The following MICAL3 variants were observed in gnomAD, a reference collection of about 807,000 sequenced individuals.
MICAL3 encodes the protein microtubule associated monooxygenase, calponin and LIM domain containing 3, also known as [F-actin]-monooxygenase MICAL3.
MICAL3 carries 62 observed loss-of-function variants against 207.4 expected under a neutral mutation model. The ratio of observed to expected loss-of-function variants is 0.30; its 90% confidence interval spans 0.24 to 0.37. The LOEUF is 0.37. Among genes scored for constraint, MICAL3 ranks in the 10% least tolerant of loss-of-function variants. MICAL3 has a pLI of 1.00. For missense variants in MICAL3, 2,368 were observed against 2,635.6 expected (o/e 0.90, Z 2.22); for synonymous variants, 1,077 against 1,069.3 (o/e 1.01, Z -0.14).
In MICAL3 at chr22:17,902,111, G is replaced by A; in HGVS notation, c.590-132C>T. 1.5e-6 allele frequency: 1 copy of A among 649,628 alleles called. No individual in the cohort carries two copies. The highest frequency in any genetic ancestry group is 1.9e-5 in the South Asian group (1 of 52,458). The allele number at this position is 649,628 out of a possible 1,614,324, so 40.2% of individuals were successfully genotyped here. ...AAACACTATGTGTAGAAGCAGTGGA[G>A]ACAGAGGCTGTGCACGGTGGCTCGT... On this transcript the variant is annotated intron_variant, in intron 4 of 31. Coordinates refer to ENST00000441493, the MANE Select transcript of MICAL3 (RefSeq NM_015241.3). This position sits in a 1 kb window ranked among gnomAD's most constrained non-coding sequence, Gnocchi z 4.5.
At chr22:17,992,648 G>A (rs1430755887) in intron 1 of MICAL3, among the ~76,000 whole-genome samples, 1 of 152,132 alleles carries the variant, frequency 6.6e-6, no homozygotes, top group African/African-American at 2.4e-5. Flanking sequence ...AGGCCCAGGG[G>A]CTTGTTTGTA....
In MICAL3 at chr22:17,906,781, G is replaced by A; in HGVS notation, c.32C>T (p.Pro11Leu). 6.2e-7 allele frequency: 1 copy of A among 1,612,330 alleles called. No individual in the cohort carries two copies. The highest frequency in any genetic ancestry group is 8.5e-7 in the Non-Finnish European group (1 of 1,178,970). ...AAACCGGTCAAAGAGGACATGAGCTGGGTTCATGGTCTCATGCTTCCTCTC... is the reference window on the plus strand; with the variant it reads ...AAACCGGTCAAAGAGGACATGAGCTAGGTTCATGGTCTCATGCTTCCTCTC... MEERKHETMN[P>L]AHVLFDRFVQ... The change falls in exon 2 of 32, where the codon CCA (proline) becomes CTA (leucine). Residue 11 changes from proline (P) to leucine (L), a missense_variant. Physicochemically the swap from Pro to Leu is moderately conservative, Grantham distance 98. This residue lies in a region of MICAL3 where 400 missense variants were observed against 547.0 expected (regional missense o/e 0.73). Transcript: ENST00000441493.
At position 17,982,721 on chromosome 22, in the gene MICAL3, T is replaced by TAACATAACATAACA. The variant is rs1569156771; in HGVS notation, c.-75+41559_-75+41560insTGTTATGTTATGTT. 5.7e-3 allele frequency among the ~76,000 whole-genome samples: 716 copies of TAACATAACATAACA among 125,244 alleles called. 6 individuals carry two copies. Among genetic ancestry groups the TAACATAACATAACA allele is most frequent in the African/African-American group, 0.018 (590 of 32,698 alleles). The allele number at this position is 125,244 out of a possible 152,430, so 82.2% of individuals were successfully genotyped here. The stretch of plus-strand genomic sequence containing the variant: ...ATAACATAACATAACATAACAAACA[T>TAACATAACATAACA]AACATAACATAAAAATAAAATAAAA... On this transcript the variant is annotated intron_variant, in intron 1 of 31. Coordinates refer to ENST00000441493, the MANE Select transcript of MICAL3 (RefSeq NM_015241.3).
chr22:17,840,441 G>A (rs1019905604), intron 20 of MICAL3: 14 of 152,162 alleles, frequency 9.2e-5, no homozygotes, highest in Admixed American at 2.6e-4. Flanking sequence ...AGTAAGATGA[G>A]GCATGTATTG....
intron 1 of MICAL3, among the ~76,000 whole-genome samples, chr22:17,936,779 C>T (rs1338926850): frequency 6.6e-6 from 1 of 151,848 alleles, no homozygotes; most frequent in African/African-American, 2.4e-5. Flanking sequence ...ACCATTAAAC[C>T]AATAAATTAA....
At chr22:17,993,946 C>T (rs1260795558) in intron 1 of MICAL3, among the ~76,000 whole-genome samples, 1 of 152,152 alleles carries the variant, frequency 6.6e-6, no homozygotes, top group Non-Finnish European at 1.5e-5. Flanking sequence ...AATCCTGACG[C>T]CACCACTTGT....
rs1007814008 is a variant in MICAL3, at chr22:17,901,140, A to G, written c.692-143T>C. On this transcript the variant is annotated intron_variant, in intron 5 of 31. Transcript: ENST00000441493. ...GAAAGTTAGGGCAGCTCTTCTGCAG[A>G]TGAAAATAAGGCATTTACCTACCCA... 23 of 736,880 alleles carry G rather than the reference A, an allele frequency of 3.1e-5. No individual in the cohort carries two copies. In the East Asian group the frequency reaches 5.5e-4, roughly 18 times the overall value. 45.6% of individuals were successfully genotyped at this position (736,880 alleles called of 1,614,324 possible). A position where few individuals can be genotyped will look rare whatever the true frequency, so the allele number is the denominator to read the frequency against.
In MICAL3 at chr22:17,818,001, C is replaced by T. The variant is rs745613978; in HGVS notation, c.4660G>A (p.Glu1554Lys). Residue 1554 changes from glutamate (E) to lysine (K), a missense_variant, in exon 26 of 32, where the codon GAG (glutamate) becomes AAG (lysine). Physicochemically the swap from Glu to Lys is moderately conservative, Grantham distance 56. Coordinates refer to ENST00000441493, the MANE Select transcript of MICAL3 (RefSeq NM_015241.3). ...FTPPSCWPRP[E>K]KPRHPPLAKE... ...GCCAGGGGCGGGTGGCGAGGCTTCT[C>T]GGGGCGCGGCCAGCAGGACGGGGGC... 39 of 1,612,082 alleles carry T rather than the reference C, an allele frequency of 2.4e-5. No homozygotes were observed. Among genetic ancestry groups the T allele is most frequent in the African/African-American group, 2.0e-4 (15 of 74,932 alleles).
At position 17,841,755 on chromosome 22, in the gene MICAL3, C is replaced by T. The variant is rs1006126970; in HGVS notation, c.2801+67G>A. ...TCCCTTCACTGAGAAGAAACCGAGACACACAGAGGTGAGGAGGCTCTTAGG... is the reference window on the plus strand; with the variant it reads ...TCCCTTCACTGAGAAGAAACCGAGATACACAGAGGTGAGGAGGCTCTTAGG... On this transcript the variant is annotated intron_variant, in intron 20 of 31. Coordinates refer to ENST00000441493, the MANE Select transcript of MICAL3 (RefSeq NM_015241.3). The surrounding 1 kb of genome is among the most constrained non-coding windows in gnomAD (Gnocchi z 4.2). 8.1e-6 allele frequency: 12 copies of T among 1,481,722 alleles called. No homozygotes were observed. The highest frequency in any genetic ancestry group is 9.1e-6 in the Non-Finnish European group (10 of 1,092,988). 91.8% of individuals were successfully genotyped at this position (1,481,722 alleles called of 1,614,324 possible).
At chr22:18,007,922 C>CAA (rs60544257) in intron 1 of MICAL3, among the ~76,000 whole-genome samples, 3,427 of 37,532 alleles carry the variant, frequency 0.091, 665 homozygotes, top group East Asian at 0.18. Flanking sequence ...GACTCCATCT[C>CAA]AAAAAAAAAA....
At chr22:17,899,380 C>T in intron 7 of MICAL3, 68 bp downstream of exon 7, 1 of 1,034,356 alleles carries the variant, frequency 9.7e-7, no homozygotes, top group Non-Finnish European at 1.5e-6. Context: ...ACCCATCAGA[C>T]AATTCTTTCT....
chr22:17,978,542 C>T (rs1487865821), intron 1 of MICAL3, among the ~76,000 whole-genome samples: 2 of 150,100 alleles, frequency 1.3e-5, no homozygotes, highest in Non-Finnish European at 3.0e-5. Context: ...GAGACAGAGT[C>T]TCCCTCTGTC....
At chr22:17,866,289 G>A (rs1927102602) in intron 17 of MICAL3, among the ~76,000 whole-genome samples, 1 of 152,250 alleles carries the variant, frequency 6.6e-6, no homozygotes, top group Admixed American at 6.5e-5. Context: ...GAGCAAAGAT[G>A]TGAGGCCTGT....
At chr22:17,840,897 C>T (rs1283074788) in intron 20 of MICAL3, 1 of 152,230 alleles carries the variant, frequency 6.6e-6, no homozygotes, top group Non-Finnish European at 1.5e-5. Context: ...GTGAGGCAGC[C>T]CAAGAATGAA....
chr22:17,962,535 TG>T (rs1290271086), intron 1 of MICAL3, among the ~76,000 whole-genome samples: 3 of 152,014 alleles, frequency 2.0e-5, no homozygotes, highest in Non-Finnish European at 2.9e-5. Context: ...TCAAGGAAGA[TG>T]GAACTGCGGC....
chr22:17,795,905 T>TGGGGGGGGGGGGGGGGGGGGGGGGG (rs1555915228), intron 29 of MICAL3, among the ~76,000 whole-genome samples: 1 of 29,152 alleles, frequency 3.4e-5, no homozygotes, highest in Middle Eastern at 0.022. Context: ...GGGGCGGGGG[T>TGGGGGGGGGGGGGGGGGGGGGGGGG]GGGGGGTTTA....
chr22:17,886,988 C>CAAAAAAAAAAA lies in MICAL3; in HGVS notation c.2067+171_2067+181dup, dbSNP rs55999508. 2.6e-3 allele frequency among the ~76,000 whole-genome samples: 109 copies of CAAAAAAAAAAA among 41,352 alleles called. 3 individuals are homozygous for CAAAAAAAAAAA. Among genetic ancestry groups the CAAAAAAAAAAA allele is most frequent in the Non-Finnish European group, 3.3e-3 (71 of 21,368 alleles). The allele number at this position is 41,352 out of a possible 152,430, so 27.1% of individuals were successfully genotyped here. On this transcript the variant is annotated intron_variant, in intron 15 of 31. Transcript: ENST00000441493. ...GGGCAATGGAGAAAGACTCTTGTCTCAAAAAAAAAAAAAAAAAAAAAAAAA... is the reference window on the plus strand; with the variant it reads ...GGGCAATGGAGAAAGACTCTTGTCTCAAAAAAAAAAAAAAAAAAAAAAAAAAAAAAAAAAAA...
intron 1 of MICAL3, among the ~76,000 whole-genome samples, chr22:17,908,438 G>C (rs902397470): frequency 1.3e-5 from 2 of 152,088 alleles, no homozygotes; most frequent in African/African-American, 4.8e-5. Context: ...CTCCCAAGTA[G>C]CTGGGACTAC....
intron 22 of MICAL3, among the ~76,000 whole-genome samples, chr22:17,826,785 T>C (rs1401049810): frequency 6.6e-6 from 1 of 152,222 alleles, no homozygotes; most frequent in Non-Finnish European, 1.5e-5. Flanking sequence ...GCCAGCCCAG[T>C]GATGCGGGTG....
Sources: gnomAD v4.1 joint callset for allele counts (sites outside exome capture counted in the v4.1 genomes callset) on GRCh38, gnomAD v4.1.1 for gene constraint, gnomAD v4.1.1 regional missense constraint, Gnocchi (gnomAD v3.1) non-coding constraint, MANE v1.5 for transcripts, NCBI Gene and HGNC (gene_info 2026-07-23, HGNC 2026-07-21) for gene names.